Variants in ENDOD1 observed in about 807,000 individuals in gnomAD.
ENDOD1 encodes endonuclease domain containing 1.
In ENDOD1, 9 loss-of-function variants were observed where a neutral mutation model predicts 6.5. That is an observed-to-expected ratio of 1.39 (90% confidence interval 0.84 to 2.43). The LOEUF is 2.43. ENDOD1 is among the 30% of genes most tolerant of loss of function. ENDOD1 has a pLI of 0.00. For missense variants in ENDOD1, 648 were observed against 635.5 expected (o/e 1.02, Z -0.21); for synonymous variants, 255 against 255.2 (o/e 1.00, Z 0.01).
At chr11:95,115,709 A>G (rs1463545770) in intron 1 of ENDOD1, among the ~76,000 whole-genome samples, 1 of 152,078 alleles carries the variant, frequency 6.6e-6, no homozygotes. Context: ...GAGATGTTGA[A>G]TTCTATCAAA....
At position 95,129,166 on chromosome 11, in the gene ENDOD1, G is replaced by A; in HGVS notation, c.1090G>A (p.Val364Ile). The A allele has an allele frequency of 6.2e-7, 1 of 1,614,144 alleles. No individual in the cohort carries two copies. The highest frequency in any genetic ancestry group is 8.5e-7 in the Non-Finnish European group (1 of 1,180,032). Reference sequence around the variant, plus strand: ...GAACATTGTCTATTTCCTGTGGTGTGTTACCAAGCAGGTGATTAATGGCAT... The same window carrying A: ...GAACATTGTCTATTTCCTGTGGTGTATTACCAAGCAGGTGATTAATGGCAT... ...LKNIVYFLWC[V>I]TKQVINGIES... Residue 364 changes from valine (V) to isoleucine (I), a missense_variant, in exon 2 of 2, where the codon GTT becomes ATT. Coordinates refer to ENST00000278505, the MANE Select transcript of ENDOD1 (RefSeq NM_015036.3).
chr11:95,099,518 C>T (rs1476601170), intron 1 of ENDOD1, among the ~76,000 whole-genome samples: 2 of 152,244 alleles, frequency 1.3e-5, no homozygotes, highest in African/African-American at 2.4e-5. Flanking sequence ...TCATCCAGCC[C>T]TAGTCTGTTC....
intron 1 of ENDOD1, among the ~76,000 whole-genome samples, chr11:95,103,044 T>G (rs574971883): frequency 6.6e-6 from 1 of 152,168 alleles, no homozygotes; most frequent in East Asian, 1.9e-4. Flanking sequence ...TGGGTACCAT[T>G]CTATTTTTCA....
chr11:95,127,618 A>G (rs1171541330), intron 1 of ENDOD1, among the ~76,000 whole-genome samples: 1 of 152,214 alleles, frequency 6.6e-6, no homozygotes, highest in Non-Finnish European at 1.5e-5. Context: ...TGCAACCAAC[A>G]TTGGTGGCTG....
intron 1 of ENDOD1, among the ~76,000 whole-genome samples, chr11:95,100,865 G>GTTTTTTTTTTTTTT (rs34680715): frequency 1.4e-5 from 1 of 72,282 alleles, no homozygotes; most frequent in Non-Finnish European, 2.4e-5. Context: ...CCTGCTGGGT[G>GTTTTTTTTTTTTTT]TTTTTTTTTT....
At chr11:95,125,011 CCT>C (rs914601314) in intron 1 of ENDOD1, among the ~76,000 whole-genome samples, 38 of 152,154 alleles carry the variant, frequency 2.5e-4, no homozygotes, top group African/African-American at 8.9e-4. Flanking sequence ...TTTATCCTCC[CCT>C]GTTCTCCTTC....
intron 1 of ENDOD1, among the ~76,000 whole-genome samples, chr11:95,105,967 T>C (rs1387141942): frequency 6.6e-6 from 1 of 152,018 alleles, no homozygotes; most frequent in Non-Finnish European, 1.5e-5. Flanking sequence ...GAGCCGTGTC[T>C]GTACAAAAAT....
rs772571427 is a variant in ENDOD1 at position 95,129,336 on chromosome 11, G to T, written c.1260G>T (p.Leu420=). ...TCCTCCGGATCCTTTGTTGTCTGCT[G>T]AAGGCCATTTGCCGAGTTCTGAGCA... ...RALLRILCCL[L]KAICRVLSIP... Residue 420 remains leucine, a synonymous_variant, in exon 2 of 2, where the codon CTG becomes CTT. Coordinates refer to ENST00000278505, the MANE Select transcript of ENDOD1 (RefSeq NM_015036.3). 2 of 1,614,216 alleles carry T rather than the reference G, an allele frequency of 1.2e-6. No individual in the cohort carries two copies. Among genetic ancestry groups the T allele is most frequent in the South Asian group, 2.2e-5 (2 of 91,086 alleles).
In ENDOD1 at chr11:95,129,263, G is replaced by A; in HGVS notation, c.1187G>A (p.Ser396Asn). 1 of 1,614,180 alleles carries A rather than the reference G, an allele frequency of 6.2e-7. No individual in the cohort carries two copies. The highest frequency in any genetic ancestry group is 2.2e-5 in the East Asian group (1 of 44,884). Reference sequence around the variant, plus strand: ...ATGGCCATTGGGGAAGAGTTGGTGAGCATTCCCTGGAAGGTGCTCAAGGTC... The same window carrying A: ...ATGGCCATTGGGGAAGAGTTGGTGAACATTCCCTGGAAGGTGCTCAAGGTC... Reference protein sequence around the residue: ...YFMAIGEELVSIPWKVLKVVA... With the variant: ...YFMAIGEELVNIPWKVLKVVA... Residue 396 changes from serine (S) to asparagine (N), a missense_variant, in exon 2 of 2, where the codon AGC becomes AAC. By Grantham distance (46) the Ser-to-Asn change is conservative. Coordinates refer to ENST00000278505, the MANE Select transcript of ENDOD1 (RefSeq NM_015036.3).
At chr11:95,108,988 G>T (rs1219660397) in intron 1 of ENDOD1, among the ~76,000 whole-genome samples, 1 of 152,198 alleles carries the variant, frequency 6.6e-6, no homozygotes, top group African/African-American at 2.4e-5. Flanking sequence ...CAGCAGGGGT[G>T]TTGGCATTCC....
chr11:95,106,355 C>T (rs782603805), intron 1 of ENDOD1, among the ~76,000 whole-genome samples: 7 of 152,022 alleles, frequency 4.6e-5, no homozygotes, highest in East Asian at 3.9e-4. Context: ...AGAAGTGGGG[C>T]GCATTTACAT....
At chr11:95,117,369 A>G (rs1200307826) in intron 1 of ENDOD1, among the ~76,000 whole-genome samples, 1 of 152,242 alleles carries the variant, frequency 6.6e-6, no homozygotes, top group African/African-American at 2.4e-5. Flanking sequence ...AGATTGAGCC[A>G]CTGCACTCCA....
intron 1 of ENDOD1, among the ~76,000 whole-genome samples, chr11:95,125,187 A>G (rs1259936329): frequency 6.6e-6 from 1 of 152,074 alleles, no homozygotes; most frequent in Non-Finnish European, 1.5e-5. Flanking sequence ...AGGGTTATCA[A>G]TTCAAAAACA....
At chr11:95,094,086 C>G (rs190739694) in intron 1 of ENDOD1, among the ~76,000 whole-genome samples, 1 of 150,142 alleles carries the variant, frequency 6.7e-6, no homozygotes, top group Non-Finnish European at 1.5e-5. Flanking sequence ...ATATAAAGCT[C>G]TATCATTTTA....
chr11:95,090,963 C>T (rs1165545883), intron 1 of ENDOD1, among the ~76,000 whole-genome samples: 2 of 128,634 alleles, frequency 1.6e-5, no homozygotes, highest in African/African-American at 5.4e-5. Context: ...CTACCTCCAA[C>T]TGATGGAAAG....
Position 95,128,762 on chromosome 11 carries a change from G to A in ENDOD1, c.686G>A (p.Gly229Glu), listed in dbSNP as rs375775352. Reference sequence around the variant, plus strand: ...CTGGCAGCCTGTTGTGCTGTCCCTGGAGGAGGCTGGGCCATGGGCTTTGTC... The same window carrying A: ...CTGGCAGCCTGTTGTGCTGTCCCTGAAGGAGGCTGGGCCATGGGCTTTGTC... ...VWLAACCAVP[G>E]GGWAMGFVKH... Residue 229 changes from glycine to glutamate, a missense_variant, in exon 2 of 2, where the codon GGA becomes GAA. Physicochemically the swap from Gly to Glu is moderately conservative, Grantham distance 98 (BLOSUM62 -2). Coordinates refer to ENST00000278505, the MANE Select transcript of ENDOD1 (RefSeq NM_015036.3). The A allele has an allele frequency of 6.2e-7, 1 of 1,614,086 alleles. No individual in the cohort carries two copies. The highest frequency in any genetic ancestry group is 1.3e-5 in the African/African-American group (1 of 74,930).
intron 1 of ENDOD1, among the ~76,000 whole-genome samples, chr11:95,113,415 C>G (rs1290101829): frequency 7.2e-5 from 11 of 152,168 alleles, no homozygotes; most frequent in Non-Finnish European, 1.5e-4. Context: ...TTCCCAGTCT[C>G]TGGTAATCAT....
chr11:95,109,820 C>T (rs1859129333), intron 1 of ENDOD1, among the ~76,000 whole-genome samples: 1 of 152,254 alleles, frequency 6.6e-6, no homozygotes, highest in Admixed American at 6.5e-5. Flanking sequence ...TGCTCAGTCT[C>T]TTCACATCAG....
At chr11:95,118,114 T>C (rs1859228396) in intron 1 of ENDOD1, among the ~76,000 whole-genome samples, 1 of 152,232 alleles carries the variant, frequency 6.6e-6, no homozygotes, top group Non-Finnish European at 1.5e-5. Context: ...TATCTTATTG[T>C]ACTGTCTGTG....
Sources: allele counts gnomAD v4.1 joint callset (sites outside exome capture counted in the v4.1 genomes callset), GRCh38; gene constraint gnomAD v4.1.1; transcripts MANE v1.5; gene names NCBI Gene and HGNC (gene_info 2026-07-23, HGNC 2026-07-21).